The following RHOT1 variants were observed in gnomAD, a reference collection of about 807,000 sequenced individuals.
RHOT1 encodes the protein ras homolog family member T1.
RHOT1 carries 27 observed loss-of-function variants against 95.3 expected under a neutral mutation model. That is an observed-to-expected ratio of 0.28 (90% confidence interval 0.21 to 0.39). The LOEUF is 0.39. RHOT1 is among the 10% of genes least tolerant of loss of function. The pLI is 1.00. For missense variants in RHOT1, 578 were observed against 786.7 expected (o/e 0.73, Z 3.17); for synonymous variants, 227 against 263.5 (o/e 0.86, Z 1.34).
rs779566174 is a variant in RHOT1 at position 32,173,852 on chromosome 17, A to G, written c.118A>G (p.Ile40Val). The G allele has an allele frequency of 6.2e-7, 1 of 1,611,456 alleles. No homozygotes were observed. The change falls in exon 3 of 20, where the codon ATC becomes GTC. Residue 40 changes from isoleucine to valine, a missense_variant. Ile to Val is a conservative substitution (Grantham distance 29). Coordinates refer to ENST00000545287, the MANE Select transcript of RHOT1 (RefSeq NM_001033566.3). Reference sequence around the variant, plus strand: ...GAAGGTTCCTCCCCGGGCAGAAGAAATCACCATTCCAGCTGATGTCACCCC... The same window carrying G: ...GAAGGTTCCTCCCCGGGCAGAAGAAGTCACCATTCCAGCTGATGTCACCCC... Reference protein sequence around the residue: ...PEEVPPRAEEITIPADVTPER... With the variant: ...PEEVPPRAEEVTIPADVTPER...
Position 32,199,528 on chromosome 17 carries a change from C to T in RHOT1, c.1078C>T (p.Gln360Ter). ...CTNERGWITY[Q>*]GFLSQWTLTT... is the part of the protein sequence containing the mutation. Reference sequence around the variant, plus strand: ...CAATGAAAGAGGCTGGATAACCTACCAGGGATTCCTTTCCCAGTGGACGTG... The same window carrying T: ...CAATGAAAGAGGCTGGATAACCTACTAGGGATTCCTTTCCCAGTGGACGTG... The change falls in exon 13 of 20, where the codon CAG (glutamine) becomes TAG (stop). Residue 360 changes from glutamine (Q) to a stop codon, truncating the protein, a stop_gained. Coordinates refer to ENST00000545287, the MANE Select transcript of RHOT1 (RefSeq NM_001033566.3). LOFTEE classifies it high-confidence loss of function. 6.2e-7 allele frequency: 1 copy of T among 1,610,096 alleles called. No homozygotes were observed. Among genetic ancestry groups the T allele is most frequent in the Non-Finnish European group, 8.5e-7 (1 of 1,179,062 alleles).
chr17:32,158,787 T>A (rs1304470133), intron 1 of RHOT1, among the ~76,000 whole-genome samples: 6 of 152,192 alleles, frequency 3.9e-5, no homozygotes, highest in African/African-American at 1.2e-4. Flanking sequence ...ATAAGTTCTT[T>A]TGATAAATAC....
At position 32,148,765 on chromosome 17, in the gene RHOT1, G is replaced by A. The variant is rs374959876; in HGVS notation, c.37+6036G>A. 1.6e-4 allele frequency among the ~76,000 whole-genome samples: 24 copies of A among 152,344 alleles called. No individual in the cohort carries two copies. In the East Asian group the frequency reaches 3.9e-3, roughly 24 times the overall value. The stretch of plus-strand genomic sequence containing the variant: ...GTAGTTCTCTTTGCCACTTGAAGCA[G>A]GGGGTGTTTGTTATCAAGAAAAATA... On this transcript the variant is annotated intron_variant, in intron 1 of 19. Coordinates refer to ENST00000545287, the MANE Select transcript of RHOT1 (RefSeq NM_001033566.3).
intron 1 of RHOT1, among the ~76,000 whole-genome samples, chr17:32,157,035 C>T (rs962320248): frequency 2.0e-5 from 3 of 152,270 alleles, no homozygotes; most frequent in African/African-American, 7.2e-5. Flanking sequence ...GATTTCAGCC[C>T]AATTCTGTGT....
At chr17:32,150,742 C>G (rs1448753539) in intron 1 of RHOT1, 42 of 1,600,928 alleles carry the variant, frequency 2.6e-5, no homozygotes, top group Admixed American at 8.4e-5. Context: ...GGCCACCAGC[C>G]TCTCCCACTG....
At chr17:32,166,187 CAA>C (rs200254466) in intron 1 of RHOT1, among the ~76,000 whole-genome samples, 31 of 106,456 alleles carry the variant, frequency 2.9e-4, no homozygotes, top group Admixed American at 4.0e-4. Context: ...GACTCTATCT[CAA>C]AAAAAAAAAA....
intron 13 of RHOT1, among the ~76,000 whole-genome samples, chr17:32,199,943 CTTTTT>C (rs71362808): frequency 7.8e-6 from 1 of 128,728 alleles, no homozygotes; most frequent in Non-Finnish European, 1.7e-5. Context: ...TTAATGAACT[CTTTTT>C]TTTTTTTTTT....
At chr17:32,201,471 TATGGAA>T (rs1200432880) in intron 14 of RHOT1, among the ~76,000 whole-genome samples, 1 of 152,246 alleles carries the variant, frequency 6.6e-6, no homozygotes. Flanking sequence ...AAACCATATG[TATGGAA>T]ATAGCAAGTT....
chr17:32,202,015 G>A (rs60569607), intron 14 of RHOT1, among the ~76,000 whole-genome samples: 6,299 of 152,082 alleles, frequency 0.041, 422 homozygotes, highest in African/African-American at 0.14. Flanking sequence ...GGGTTCAAGC[G>A]ATTCAGCTGC....
intron 6 of RHOT1, 30 bp from the exon 7 acceptor site, chr17:32,182,727 C>A: frequency 8.0e-7 from 1 of 1,251,946 alleles, no homozygotes; most frequent in Non-Finnish European, 1.1e-6. Context: ...CTTTTGCCTT[C>A]CTTATTACAA....
At chr17:32,143,009 G>C (rs1567641585) in intron 1 of RHOT1, 2 of 706,834 alleles carry the variant, frequency 2.8e-6, no homozygotes, top group South Asian at 3.0e-5. Context: ...GTCCCTATTA[G>C]CCCTAACCGC....
chr17:32,151,493 A>G lies in RHOT1; in HGVS notation c.37+8764A>G, dbSNP rs557039089. The G allele has an allele frequency of 1.5e-4, 89 of 609,622 alleles. No homozygotes were observed. The African/African-American group carries it at 1.6e-3, about 11-fold the overall frequency. 37.8% of individuals were successfully genotyped at this position (609,622 alleles called of 1,614,324 possible). A position where few individuals can be genotyped will look rare whatever the true frequency, so the allele number is the denominator to read the frequency against. ...GTCTAGCTAGGGATTCTCTGGGGCC[A>G]TTCTGTTCATCATGGTTTCTGAAAT... is the stretch of plus-strand genomic sequence containing the variant. On this transcript the variant is annotated intron_variant, in intron 1 of 19. Coordinates refer to ENST00000545287, the MANE Select transcript of RHOT1 (RefSeq NM_001033566.3).
chr17:32,196,799 C>T (rs1201233380), intron 11 of RHOT1, among the ~76,000 whole-genome samples: 2 of 152,146 alleles, frequency 1.3e-5, no homozygotes, highest in Non-Finnish European at 2.9e-5. Flanking sequence ...CCTTGGCTTG[C>T]ACATTCTTAG....
chr17:32,149,636 T>TGTGA (rs2031997098), intron 1 of RHOT1, among the ~76,000 whole-genome samples: 1 of 69,282 alleles, frequency 1.4e-5, no homozygotes, highest in Non-Finnish European at 3.1e-5. Context: ...TATATATATA[T>TGTGA]GTGTGTGTGT....
chr17:32,153,071 A>G (rs888538518), intron 1 of RHOT1, among the ~76,000 whole-genome samples: 4 of 152,170 alleles, frequency 2.6e-5, no homozygotes, highest in Non-Finnish European at 5.9e-5. Flanking sequence ...CAAAGTGCTG[A>G]GATTACAGGC....
At chr17:32,161,843 A>G (rs2033589081) in intron 1 of RHOT1, among the ~76,000 whole-genome samples, 1 of 152,164 alleles carries the variant, frequency 6.6e-6, no homozygotes, top group African/African-American at 2.4e-5. Context: ...ACCCCCTCAG[A>G]CTAGAGTGAG....
At chr17:32,208,371 G>A in intron 18 of RHOT1, 62 bp downstream of exon 18, 2 of 1,396,702 alleles carry the variant, frequency 1.4e-6, no homozygotes, top group Non-Finnish European at 2.0e-6. Flanking sequence ...GCCATTATTA[G>A]CCATGAAGGG....
chr17:32,145,700 G>T (rs1017715325), intron 1 of RHOT1, among the ~76,000 whole-genome samples: 7 of 152,050 alleles, frequency 4.6e-5, no homozygotes, highest in African/African-American at 1.7e-4. Context: ...AAATATCTCA[G>T]ATTCTGCTAT....
intron 16 of RHOT1, 87 bp from the exon 17 acceptor site, chr17:32,206,823 G>C (rs541638776): frequency 1.0e-6 from 1 of 963,298 alleles, no homozygotes; most frequent in African/African-American, 1.7e-5. Flanking sequence ...AACTTAGGAA[G>C]TCCAGGGAAG....
Sources: gnomAD v4.1 joint callset for allele counts (sites outside exome capture counted in the v4.1 genomes callset) on GRCh38, gnomAD v4.1.1 for gene constraint, MANE v1.5 for transcripts, NCBI Gene and HGNC (gene_info 2026-07-23, HGNC 2026-07-21) for gene names.